The following RB1CC1 variants were observed in gnomAD, a reference collection of about 807,000 sequenced individuals.
RB1CC1 encodes the protein RB1-inducible coiled-coil protein 1.
A neutral mutation model predicts 177.5 loss-of-function variants in RB1CC1; 46 were observed. The observed-to-expected ratio is 0.26, with a 90% CI of 0.20 to 0.33. The LOEUF is 0.33. RB1CC1 is among the 10% of genes least tolerant of loss of function. The pLI is 1.00. For missense variants in RB1CC1, 1,703 were observed against 1,816.3 expected, an observed-to-expected ratio of 0.94 and a Z score of 1.13; for synonymous variants, 666 against 613.6, an observed-to-expected ratio of 1.09 and a Z score of -1.26.
At chr8:52,661,798 TTA>T (rs1183816624) in intron 8 of RB1CC1, 79 bp from the exon 9 acceptor site, 2 of 1,148,690 alleles carry the variant, frequency 1.7e-6, no homozygotes, top group African/African-American at 1.6e-5. Flanking sequence ...TGGAAAATCT[TTA>T]TGTTAAACAC....
intron 19 of RB1CC1, among the ~76,000 whole-genome samples, chr8:52,635,430 A>G (rs1849059363): frequency 6.6e-6 from 1 of 152,176 alleles, no homozygotes. Context: ...TTACACTTGT[A>G]AAGAAAAAAA....
Position 52,657,183 on chromosome 8 carries a change from T to C in RB1CC1, c.2646A>G (p.Ile882Met). The change falls in exon 15 of 24, where the codon ATA (isoleucine) becomes ATG (methionine). Residue 882 changes from isoleucine to methionine, a missense_variant. Ile to Met is a conservative substitution (Grantham distance 10, BLOSUM62 1). Around this residue, in one of 6 missense-constraint regions of RB1CC1, gnomAD observed 1,169 missense variants for 1,184.7 expected, o/e 0.99. Coordinates refer to ENST00000025008, the MANE Select transcript of RB1CC1 (RefSeq NM_014781.5). ...NEYEGKLDGL[I>M]KETEENENKI... The stretch of plus-strand genomic sequence containing the variant: ...TGTTTTCATTCTCTTCAGTTTCCTT[T>C]ATTAGTCCGTCAAGTTTACCTTCAT... 1 of 1,605,046 alleles carries C rather than the reference T, an allele frequency of 6.2e-7. No individual in the cohort carries two copies. The highest frequency in any genetic ancestry group is 8.5e-7 in the Non-Finnish European group (1 of 1,172,694).
intron 15 of RB1CC1, among the ~76,000 whole-genome samples, chr8:52,653,647 G>T (rs143601743): frequency 1.3e-5 from 2 of 152,108 alleles, no homozygotes; most frequent in Non-Finnish European, 2.9e-5. Flanking sequence ...GGGCCCAATG[G>T]TTCCCTCATC....
chr8:52,656,361 G>A lies in RB1CC1; in HGVS notation c.3468C>T (p.Asn1156=). ...CTTGGTTATGCAAAGATGTTACTTTGTTTAATTCAGCTTTAAGTATATTAG... is the reference window on the plus strand; with the variant it reads ...CTTGGTTATGCAAAGATGTTACTTTATTTAATTCAGCTTTAAGTATATTAG... The part of the protein sequence containing the change: ...EESNILKAEL[N]KVTSLHNQAF... Residue 1156 remains asparagine (N), a synonymous_variant, in exon 15 of 24, where the codon AAC becomes AAT. Transcript: ENST00000025008. 1 of 1,611,096 alleles carries A rather than the reference G, an allele frequency of 6.2e-7. No individual in the cohort carries two copies. Among genetic ancestry groups the A allele is most frequent in the Non-Finnish European group, 8.5e-7 (1 of 1,179,176 alleles).
Position 52,680,342 on chromosome 8 carries a change from C to T in RB1CC1, c.369+3207G>A, listed in dbSNP as rs920151797. 3.9e-5 allele frequency among the ~76,000 whole-genome samples: 6 copies of T among 152,172 alleles called. No homozygotes were observed. In the East Asian group the frequency reaches 5.8e-4, roughly 15 times the overall value. ...TTGAAGGCTACACTGGAAGAAGACA[C>T]GGCTGAAAACAGAGAAGTCTAAATC... is the stretch of plus-strand genomic sequence containing the variant. On this transcript the variant is annotated intron_variant, in intron 5 of 23. Transcript: ENST00000025008.
At chr8:52,649,198 A>G (rs773205095) in intron 15 of RB1CC1, among the ~76,000 whole-genome samples, 2 of 152,222 alleles carry the variant, frequency 1.3e-5, no homozygotes, top group Non-Finnish European at 2.9e-5. Flanking sequence ...ATTCATCAAT[A>G]AAGGTTGTCC....
chr8:52,675,941 C>G (rs549636163), intron 6 of RB1CC1, among the ~76,000 whole-genome samples: 1 of 150,094 alleles, frequency 6.7e-6, no homozygotes, highest in Non-Finnish European at 1.5e-5. Context: ...GCTTTTTTTC[C>G]ACCTCATCAA....
rs747661656 is a variant in RB1CC1, at chr8:52,656,674, T to G, written c.3155A>C (p.Asp1052Ala). 3 of 1,613,922 alleles carry G rather than the reference T, an allele frequency of 1.9e-6. No homozygotes were observed. The African/African-American group carries it at 4.0e-5, about 22-fold the overall frequency. The change falls in exon 15 of 24, where the codon GAT becomes GCT. Residue 1052 changes from aspartate to alanine, a missense_variant. Physicochemically the swap from Asp to Ala is moderately radical, Grantham distance 126 (BLOSUM62 -2). Around this residue, in one of 6 missense-constraint regions of RB1CC1, gnomAD observed 1,169 missense variants for 1,184.7 expected, o/e 0.99. Transcript: ENST00000025008. ...QLQELKLKVS[D>A]LSDTRCKLEV... ...TAACTTGCATCTCGTGTCTGACAAA[T>G]CAGAAACCTTGAGTTTTAATTCCTG...
Position 52,683,445 on chromosome 8 carries a change from T to C in RB1CC1, c.369+104A>G, listed in dbSNP as rs151066450. The C allele has an allele frequency of 1.3e-4, 141 of 1,051,690 alleles. No homozygotes were observed. The East Asian group carries it at 3.8e-3, about 29-fold the overall frequency. 65.1% of individuals were successfully genotyped at this position (1,051,690 alleles called of 1,614,324 possible). A position where few individuals can be genotyped will look rare whatever the true frequency, so the allele number is the denominator to read the frequency against. On this transcript the variant is annotated intron_variant, in intron 5 of 23. Transcript: ENST00000025008. ...AACCGGAAAATATTTTTAAAGTTTA[T>C]TTGTCAAACTTTTTGCATACTTCCT...
intron 15 of RB1CC1, among the ~76,000 whole-genome samples, chr8:52,648,488 C>T (rs1239673488): frequency 2.0e-5 from 3 of 152,132 alleles, no homozygotes; most frequent in African/African-American, 4.8e-5. Context: ...CACTGCCTAG[C>T]TTTCTATGGG....
At chr8:52,709,898 G>A (rs760370577) in intron 1 of RB1CC1, among the ~76,000 whole-genome samples, 2 of 152,216 alleles carry the variant, frequency 1.3e-5, no homozygotes, top group Non-Finnish European at 2.9e-5. Context: ...ACACTGCTAG[G>A]TGCCTGGAAT....
At chr8:52,635,538 T>C (rs2150390929) in intron 19 of RB1CC1, among the ~76,000 whole-genome samples, 1 of 152,282 alleles carries the variant, frequency 6.6e-6, no homozygotes, top group South Asian at 2.1e-4. Flanking sequence ...GTACCCTTAA[T>C]AAAGGAAACC....
At chr8:52,707,204 A>G (rs932780523) in intron 1 of RB1CC1, among the ~76,000 whole-genome samples, 1 of 152,106 alleles carries the variant, frequency 6.6e-6, no homozygotes, top group African/African-American at 2.4e-5. Context: ...ACAAACATCA[A>G]TTACTGTTAT....
At chr8:52,665,485 A>C (rs1434895080) in intron 8 of RB1CC1, among the ~76,000 whole-genome samples, 1 of 152,226 alleles carries the variant, frequency 6.6e-6, no homozygotes, top group Non-Finnish European at 1.5e-5. Flanking sequence ...ACATGCATGT[A>C]AAAATGGGTG....
rs759729157 is a variant in RB1CC1, at chr8:52,661,257, A to G, written c.1383T>C (p.His461=). Reference sequence around the variant, plus strand: ...GTAACTTCTCTCCATCTTGATCAGCATGAAGCATTACAAAGCAACACCACC... The same window carrying G: ...GTAACTTCTCTCCATCTTGATCAGCGTGAAGCATTACAAAGCAACACCACC... ...RLKWCCFVML[H]ADQDGEKLQA... Residue 461 remains histidine (H), a synonymous_variant, in exon 10 of 24, where the codon CAT becomes CAC. Transcript: ENST00000025008. The G allele has an allele frequency of 5.6e-6, 9 of 1,613,460 alleles. No individual in the cohort carries two copies. The highest frequency in any genetic ancestry group is 7.6e-6 in the Non-Finnish European group (9 of 1,179,814).
intron 9 of RB1CC1, 46 bp downstream of exon 9, chr8:52,661,489 A>G (rs757964255): frequency 4.0e-6 from 6 of 1,513,232 alleles, no homozygotes; most frequent in Non-Finnish European, 5.3e-6. Flanking sequence ...ATAAATATAA[A>G]TACCAATTCT....
chr8:52,657,190 C>A lies in RB1CC1; in HGVS notation c.2639G>T (p.Gly880Val), dbSNP rs1297028044. The A allele has an allele frequency of 1.2e-6, 2 of 1,602,784 alleles. No homozygotes were observed. Among genetic ancestry groups the A allele is most frequent in the Non-Finnish European group, 1.7e-6 (2 of 1,171,140 alleles). ...ATTCTCTTCAGTTTCCTTTATTAGT[C>A]CGTCAAGTTTACCTTCATATTCATT... The part of the protein sequence containing the change: ...LKNEYEGKLD[G>V]LIKETEENEN... The change falls in exon 15 of 24, where the codon GGA (glycine) becomes GTA (valine). Residue 880 changes from glycine to valine, a missense_variant. Physicochemically the swap from Gly to Val is moderately radical, Grantham distance 109. Around this residue, in one of 6 missense-constraint regions of RB1CC1, gnomAD observed 1,169 missense variants for 1,184.7 expected, o/e 0.99. Coordinates refer to ENST00000025008, the MANE Select transcript of RB1CC1 (RefSeq NM_014781.5).
chr8:52,683,316 T>G (rs1255831440), intron 5 of RB1CC1, among the ~76,000 whole-genome samples: 1 of 152,186 alleles, frequency 6.6e-6, no homozygotes, highest in Non-Finnish European at 1.5e-5. Flanking sequence ...GGAAAGAAGG[T>G]GACCAAATCA....
chr8:52,629,490 C>A (rs761101950), intron 21 of RB1CC1, among the ~76,000 whole-genome samples: 2 of 152,128 alleles, frequency 1.3e-5, no homozygotes, highest in Non-Finnish European at 2.9e-5. Context: ...AATGAACTTC[C>A]TCCTCTAGGC....
Sources: allele counts gnomAD v4.1 joint callset (sites outside exome capture counted in the v4.1 genomes callset), GRCh38; gene constraint gnomAD v4.1.1; regional missense constraint gnomAD v4.1.1; transcripts MANE v1.5; gene names NCBI Gene and HGNC (gene_info 2026-07-23, HGNC 2026-07-21).